FSHR: variants seen among roughly 807,000 people sequenced by gnomAD.
FSHR encodes follicle-stimulating hormone receptor.
A neutral mutation model predicts 52.1 loss-of-function variants in FSHR; 46 were observed. That is an observed-to-expected ratio of 0.88 (90% CI 0.70 to 1.13). FSHR has a LOEUF of 1.13. FSHR is among the 50% of genes most tolerant of loss of function. The pLI is 0.00. For missense variants in FSHR, 964 were observed against 834.6 expected, an observed-to-expected ratio of 1.16 and a Z score of -1.91; for synonymous variants, 399 against 309.6, an observed-to-expected ratio of 1.29 and a Z score of -3.03.
chr2:49,038,626 A>AAAAAAAAAT (rs574192521), intron 2 of FSHR, among the ~76,000 whole-genome samples: 6 of 70,620 alleles, frequency 8.5e-5, no homozygotes, highest in South Asian at 9.1e-4. Flanking sequence ...CTCTGTCTCA[A>AAAAAAAAAT]AATAATAATA....
intron 1 of FSHR, among the ~76,000 whole-genome samples, chr2:49,073,379 T>C (rs1373259494): frequency 6.6e-6 from 1 of 151,998 alleles, no homozygotes; most frequent in East Asian, 1.9e-4. Flanking sequence ...TAAATTAATA[T>C]ACAAAATCAG....
At chr2:49,078,928 A>G (rs1039329370) in intron 1 of FSHR, among the ~76,000 whole-genome samples, 11 of 152,134 alleles carry the variant, frequency 7.2e-5, no homozygotes, top group African/African-American at 2.7e-4. Flanking sequence ...ATAGAAAATG[A>G]AAAAGATATG....
At chr2:49,118,568 A>G (rs570131275) in intron 1 of FSHR, among the ~76,000 whole-genome samples, 1 of 152,332 alleles carries the variant, frequency 6.6e-6, no homozygotes, top group South Asian at 2.1e-4. Flanking sequence ...ACCAGCAAAA[A>G]AGAAACTGCT....
intron 2 of FSHR, among the ~76,000 whole-genome samples, chr2:49,047,005 C>CTTGAGAAAAAT (rs70946846): frequency 6.6e-6 from 1 of 151,906 alleles, no homozygotes; most frequent in African/African-American, 2.4e-5. Flanking sequence ...CATCAGCCTG[C>CTTGAGAAAAAT]ACTTGTCTCA....
chr2:49,126,282 G>GA (rs1488332793), intron 1 of FSHR, among the ~76,000 whole-genome samples: 1 of 148,440 alleles, frequency 6.7e-6, no homozygotes, highest in Non-Finnish European at 1.5e-5. Context: ...GGGGAGGGTG[G>GA]AAAGGCAAGA....
intron 2 of FSHR, among the ~76,000 whole-genome samples, chr2:49,061,585 T>G (rs898338856): frequency 7.2e-6 from 1 of 139,776 alleles, no homozygotes; most frequent in African/African-American, 2.7e-5. Flanking sequence ...TAGATATATA[T>G]CTATATATCT....
chr2:49,052,596 G>A lies in FSHR; in HGVS notation c.224+15623C>T, dbSNP rs370487433. On this transcript the variant is annotated intron_variant, in intron 2 of 9. Coordinates refer to ENST00000406846, the MANE Select transcript of FSHR (RefSeq NM_000145.4). The stretch of plus-strand genomic sequence containing the variant: ...GATTCTAAAGTGCAGTCTAAGAAGA[G>A]AACCACTCAACGTCATTTCCTTGTT... 3.4e-4 allele frequency among the ~76,000 whole-genome samples: 52 copies of A among 152,292 alleles called. No individual in the cohort carries two copies. The East Asian group carries it at 7.5e-3, about 22-fold the overall frequency.
chr2:49,067,524 A>G (rs1413843892), intron 2 of FSHR, among the ~76,000 whole-genome samples: 1 of 152,192 alleles, frequency 6.6e-6, no homozygotes, highest in South Asian at 2.1e-4. Flanking sequence ...AGAGAAGAAC[A>G]TATTTCCCTG....
chr2:49,023,011 G>A (rs1667792289), intron 2 of FSHR, among the ~76,000 whole-genome samples: 1 of 152,140 alleles, frequency 6.6e-6, no homozygotes. Flanking sequence ...TGTACTGCAA[G>A]GTTCTTTAGG....
intron 4 of FSHR, 56 bp from the exon 5 acceptor site, chr2:48,990,693 G>T: frequency 9.8e-7 from 1 of 1,025,128 alleles, no homozygotes; most frequent in Admixed American, 1.7e-5. Context: ...TTAAACAGTT[G>T]TTAGAGCATG....
chr2:48,988,434 A>G (rs915580215), intron 6 of FSHR, among the ~76,000 whole-genome samples: 3 of 152,236 alleles, frequency 2.0e-5, no homozygotes, highest in African/African-American at 7.2e-5. Flanking sequence ...CTGGCATAAA[A>G]GAGTAGAAGG....
intron 6 of FSHR, among the ~76,000 whole-genome samples, chr2:48,985,934 C>A (rs1166388249): frequency 6.6e-6 from 1 of 151,588 alleles, no homozygotes; most frequent in Non-Finnish European, 1.5e-5. Context: ...AGGATGGTCT[C>A]GATTTCCTGA....
chr2:49,102,402 G>A (rs1671062341), intron 1 of FSHR, among the ~76,000 whole-genome samples: 1 of 152,152 alleles, frequency 6.6e-6, no homozygotes, highest in Non-Finnish European at 1.5e-5. Flanking sequence ...AAGGCCAAGA[G>A]GCATGTGACA....
At chr2:49,135,487 C>A (rs1390470347) in intron 1 of FSHR, among the ~76,000 whole-genome samples, 1 of 152,044 alleles carries the variant, frequency 6.6e-6, no homozygotes, top group Non-Finnish European at 1.5e-5. Context: ...AAGTTTATAG[C>A]TATAAATAGC....
chr2:49,138,516 C>T lies in FSHR; in HGVS notation c.152+15750G>A, dbSNP rs183794037. 4.1e-4 allele frequency among the ~76,000 whole-genome samples: 63 copies of T among 152,232 alleles called. No individual in the cohort carries two copies. In the East Asian group the frequency reaches 6.2e-3, roughly 15 times the overall value. Reference sequence around the variant, plus strand: ...CATATCCATACAATTAAATATTTTTCGACCCTTAAAATAATAGAGTACTGA... The same window carrying T: ...CATATCCATACAATTAAATATTTTTTGACCCTTAAAATAATAGAGTACTGA... On this transcript the variant is annotated intron_variant, in intron 1 of 9. Transcript: ENST00000406846.
At chr2:49,012,019 G>A (rs548348053) in intron 4 of FSHR, among the ~76,000 whole-genome samples, 1 of 152,194 alleles carries the variant, frequency 6.6e-6, no homozygotes, top group African/African-American at 2.4e-5. Flanking sequence ...CCTGAAGAAA[G>A]CACATGTCAT....
intron 2 of FSHR, among the ~76,000 whole-genome samples, chr2:49,065,091 A>T (rs74683088): frequency 6.6e-6 from 1 of 152,132 alleles, no homozygotes; most frequent in South Asian, 2.1e-4. Flanking sequence ...ATGCAATATG[A>T]TGTCTGGTAA....
chr2:48,969,637 C>G (rs530530796), intron 8 of FSHR, among the ~76,000 whole-genome samples: 1 of 152,346 alleles, frequency 6.6e-6, no homozygotes, highest in Admixed American at 6.5e-5. Flanking sequence ...ACAGACAACA[C>G]TTAGTGTCTG....
At chr2:49,090,124 AGTGTGTGTGTGT>A (rs35574043) in intron 1 of FSHR, among the ~76,000 whole-genome samples, 5 of 148,778 alleles carry the variant, frequency 3.4e-5, no homozygotes, top group African/African-American at 9.9e-5. Flanking sequence ...AGTAAAATCG[AGTGTGTGTGTGT>A]GTGTGTGTGT....
Sources: allele counts gnomAD v4.1 joint callset (sites outside exome capture counted in the v4.1 genomes callset), GRCh38; gene constraint gnomAD v4.1.1; transcripts MANE v1.5; gene names NCBI Gene and HGNC (gene_info 2026-07-23, HGNC 2026-07-21).